EPB41L4A: variants seen among roughly 807,000 people sequenced by gnomAD.
EPB41L4A encodes erythrocyte membrane protein band 4.1 like 4A, also known as band 4.1-like protein 4A.
Under a neutral mutation model 108.6 loss-of-function variants are expected in EPB41L4A, and 100 were observed. That is an observed-to-expected ratio of 0.92 (90% CI 0.78 to 1.09). The LOEUF (loss-of-function observed/expected upper bound fraction) is 1.09, where lower values mean the gene tolerates loss of function less well. Ranked by LOEUF, EPB41L4A falls within the 50% of genes least tolerant of loss-of-function variation. The pLI, the probability that EPB41L4A is intolerant of heterozygous loss-of-function variation, is 0.00. For missense variants in EPB41L4A, 1,030 were observed against 842.7 expected (o/e 1.22, Z -2.75); for synonymous variants, 319 against 289.0 (o/e 1.10, Z -1.05).
intron 1 of EPB41L4A, among the ~76,000 whole-genome samples, chr5:112,343,993 C>G (rs1757482652): frequency 6.6e-6 from 1 of 152,210 alleles, no homozygotes; most frequent in Non-Finnish European, 1.5e-5. Flanking sequence ...GATTTCAAGT[C>G]TGTAGTATGC....
chr5:112,220,118 C>T (rs1031336509), intron 12 of EPB41L4A, among the ~76,000 whole-genome samples: 1 of 152,136 alleles, frequency 6.6e-6, no homozygotes, highest in African/African-American at 2.4e-5. Context: ...AAGTCTATTC[C>T]TACTTTTATT....
intron 22 of EPB41L4A, 54 bp from the exon 23 acceptor site, chr5:112,165,172 G>A (rs1477483040): frequency 1.5e-5 from 21 of 1,413,774 alleles, no homozygotes; most frequent in Admixed American, 1.9e-5. Context: ...GCCAAATGAA[G>A]TATTTTAATT....
intron 12 of EPB41L4A, among the ~76,000 whole-genome samples, chr5:112,157,280 T>G (rs1028389437): frequency 2.0e-5 from 3 of 152,208 alleles, no homozygotes; most frequent in Admixed American, 2.0e-4. Flanking sequence ...GTCAGCTTTA[T>G]ATGGATTAAT....
At chr5:112,203,609 A>G (rs939890663) in intron 15 of EPB41L4A, among the ~76,000 whole-genome samples, 2 of 151,470 alleles carry the variant, frequency 1.3e-5, no homozygotes, top group African/African-American at 4.9e-5. Context: ...CCCTTCAAAC[A>G]CTCTACCCGT....
At chr5:112,358,613 G>C (rs1758515268) in intron 1 of EPB41L4A, among the ~76,000 whole-genome samples, 2 of 152,206 alleles carry the variant, frequency 1.3e-5, no homozygotes, top group Admixed American at 1.3e-4. Flanking sequence ...AGCTGGAGTA[G>C]AAACTGGTAT....
At chr5:112,196,035 A>G (rs1334148115) in intron 15 of EPB41L4A, among the ~76,000 whole-genome samples, 1 of 152,138 alleles carries the variant, frequency 6.6e-6, no homozygotes, top group African/African-American at 2.4e-5. Flanking sequence ...TCTCACTTGG[A>G]TGCCCTTTCC....
chr5:112,339,476 A>AGATATATATCTATATATC (rs1561584857), intron 1 of EPB41L4A, among the ~76,000 whole-genome samples: 68 of 11,486 alleles, frequency 5.9e-3, no homozygotes, highest in African/African-American at 0.012. Context: ...ATATATATCT[A>AGATATATATCTATATATC]TATATATATA....
chr5:112,298,587 G>A (rs1009368216), intron 2 of EPB41L4A, among the ~76,000 whole-genome samples: 6 of 152,036 alleles, frequency 3.9e-5, no homozygotes, highest in South Asian at 2.1e-4. Flanking sequence ...TTTGGTTAGC[G>A]AGTATTTTGT....
At chr5:112,244,219 G>T (rs780220345) in intron 9 of EPB41L4A, among the ~76,000 whole-genome samples, 3 of 152,178 alleles carry the variant, frequency 2.0e-5, no homozygotes, top group Admixed American at 6.5e-5. Flanking sequence ...GAGAGACAGG[G>T]AATGGCCAGT....
At chr5:112,365,882 T>C (rs1479863259) in intron 1 of EPB41L4A, among the ~76,000 whole-genome samples, 1 of 152,140 alleles carries the variant, frequency 6.6e-6, no homozygotes. Flanking sequence ...TTAGAAAACA[T>C]CGGATTTCAA....
chr5:112,397,663 C>G (rs997543750), intron 1 of EPB41L4A, among the ~76,000 whole-genome samples: 5 of 151,990 alleles, frequency 3.3e-5, no homozygotes, highest in African/African-American at 1.2e-4. Flanking sequence ...TCAATTTGAC[C>G]AGGATATTTT....
intron 1 of EPB41L4A, among the ~76,000 whole-genome samples, chr5:112,415,327 C>T (rs999930228): frequency 7.2e-5 from 11 of 152,040 alleles, no homozygotes; most frequent in African/African-American, 1.2e-4. Flanking sequence ...TATACCTTAA[C>T]AAAGCCATTT....
intron 1 of EPB41L4A, among the ~76,000 whole-genome samples, chr5:112,317,690 T>G (rs1272360889): frequency 6.6e-6 from 1 of 152,214 alleles, no homozygotes; most frequent in Middle Eastern, 3.2e-3. Flanking sequence ...CCAGCTACTT[T>G]CTGTTAAGCT....
intron 1 of EPB41L4A, among the ~76,000 whole-genome samples, chr5:112,395,052 T>C (rs1254420230): frequency 3.3e-5 from 5 of 152,240 alleles, no homozygotes; most frequent in East Asian, 3.9e-4. Flanking sequence ...ATGTAGAAAG[T>C]TGAAACTGGA....
intron 12 of EPB41L4A, 114 bp from the exon 13 acceptor site, chr5:112,210,096 T>C (rs1401182968): frequency 3.3e-6 from 2 of 609,858 alleles, no homozygotes; most frequent in Middle Eastern, 3.1e-4. Context: ...GCACATTTTA[T>C]TGATAAATTA....
At chr5:112,200,950 A>C (rs186204199) in intron 15 of EPB41L4A, among the ~76,000 whole-genome samples, 1 of 152,234 alleles carries the variant, frequency 6.6e-6, no homozygotes, top group Non-Finnish European at 1.5e-5. Flanking sequence ...CCTGGTATCC[A>C]AAGCAAAATA....
chr5:112,165,131 TGA>T lies in EPB41L4A; in HGVS notation c.1933-15_1933-14del. ...ACCCATTTCTTCTCTAAAATATATT[TGA>T]AAAATGTAGAAAGATTCAGAAGAAA... On this transcript the variant is annotated splice_polypyrimidine_tract_variant and intron_variant, in intron 22 of 22. Transcript: ENST00000261486. The T allele has an allele frequency of 2.5e-6, 1 of 400,370 alleles. No homozygotes were observed. The highest frequency in any genetic ancestry group is 3.7e-6 in the Non-Finnish European group (1 of 269,302). 24.8% of individuals were successfully genotyped at this position (400,370 alleles called of 1,614,324 possible).
chr5:112,211,940 G>A (rs1398082537), intron 12 of EPB41L4A, among the ~76,000 whole-genome samples: 1 of 152,166 alleles, frequency 6.6e-6, no homozygotes, highest in African/African-American at 2.4e-5. Context: ...AGCTCATGCT[G>A]GAGCCACTAC....
At chr5:112,406,026 T>C (rs919963638) in intron 1 of EPB41L4A, among the ~76,000 whole-genome samples, 1 of 152,174 alleles carries the variant, frequency 6.6e-6, no homozygotes, top group African/African-American at 2.4e-5. Flanking sequence ...CAGACCCCAA[T>C]ATACCCTCAC....
Sources: gnomAD v4.1 joint callset for allele counts (sites outside exome capture counted in the v4.1 genomes callset) on GRCh38, gnomAD v4.1.1 for gene constraint, MANE v1.5 for transcripts, NCBI Gene and HGNC (gene_info 2026-07-23, HGNC 2026-07-21) for gene names.